MRPS33: variants seen among roughly 807,000 people sequenced by gnomAD.
MRPS33 encodes the protein mitochondrial ribosomal protein S33.
Under a neutral mutation model 11.2 loss-of-function variants are expected in MRPS33, and 11 were observed. The ratio of observed to expected loss-of-function variants is 0.99; its 90% CI spans 0.62 to 1.63. The LOEUF is 1.63. Among genes scored for constraint, MRPS33 ranks in the 40% most tolerant of loss-of-function variants. The pLI, the probability that MRPS33 is intolerant of heterozygous loss-of-function variation, is 0.00. For synonymous variants in MRPS33, 46 were observed against 44.0 expected (o/e 1.05, Z -0.18); for missense variants, 109 against 127.8 (o/e 0.85, Z 0.71).
At chr7:141,006,604 G>T in intron 2 of MRPS33, 69 bp from the exon 3 acceptor site, 1 of 1,246,518 alleles carries the variant, frequency 8.0e-7, no homozygotes, top group Admixed American at 1.7e-5. Context: ...AATCTAGCAC[G>T]CACTGCTCTC....
intron 2 of MRPS33, among the ~76,000 whole-genome samples, chr7:141,007,681 G>A (rs1486504401): frequency 6.6e-6 from 1 of 151,974 alleles, no homozygotes; most frequent in Admixed American, 6.6e-5. Flanking sequence ...CTGTGCTCTT[G>A]CCCCTCTGCC....
intron 2 of MRPS33, among the ~76,000 whole-genome samples, chr7:141,008,801 ATT>A (rs10550694): frequency 0.096 from 13,240 of 137,826 alleles, 586 homozygotes; most frequent in South Asian, 0.21. Context: ...TAAAAAAATA[ATT>A]TTTTTTTTTT....
At position 141,006,145 on chromosome 7, in the gene MRPS33, C is replaced by T. The variant is rs1820519448; in HGVS notation, c.*285G>A. The T allele has an allele frequency of 7.6e-6, 3 of 394,752 alleles. No homozygotes were observed. Among genetic ancestry groups the T allele is most frequent in the East Asian group, 5.3e-5 (1 of 18,974 alleles). 24.5% of individuals were successfully genotyped at this position (394,752 alleles called of 1,614,324 possible). On this transcript the variant is annotated 3_prime_UTR_variant, in exon 3 of 3. Transcript: ENST00000324787. Reference sequence around the variant, plus strand: ...CCTCCATTCCCCCAGCATCCCATCCCACCCCAAACAAATCATCAAACAATA... The same window carrying T: ...CCTCCATTCCCCCAGCATCCCATCCTACCCCAAACAAATCATCAAACAATA...
Position 141,012,863 on chromosome 7 carries a change from A to G in MRPS33, c.-28+2048T>C, listed in dbSNP as rs142036014. Among the ~76,000 whole-genome samples the G allele has an allele frequency of 2.0e-3, 300 of 152,344 alleles. 3 individuals are homozygous for G. Among genetic ancestry groups the G allele is most frequent in the African/African-American group, 6.5e-3 (271 of 41,590 alleles). On this transcript the variant is annotated intron_variant, in intron 1 of 2. Coordinates refer to ENST00000324787, the MANE Select transcript of MRPS33 (RefSeq NM_053035.3). ...GGCTCTGTCACTTAATCCTTGGGTT[A>G]TTGTGAACAGTTACTCATCTTCTCT... is the stretch of plus-strand genomic sequence containing the variant.
chr7:141,013,011 A>G (rs754292857), intron 1 of MRPS33, among the ~76,000 whole-genome samples: 1 of 152,172 alleles, frequency 6.6e-6, no homozygotes, highest in Admixed American at 6.5e-5. Context: ...TGGTTTTCAT[A>G]TATTCTACAT....
intron 1 of MRPS33, among the ~76,000 whole-genome samples, chr7:141,014,178 A>G (rs908089334): frequency 1.3e-5 from 2 of 152,202 alleles, no homozygotes; most frequent in African/African-American, 2.4e-5. Flanking sequence ...CTACACGAGG[A>G]CAGTCATACT....
chr7:141,006,116 T>C lies in MRPS33; in HGVS notation c.*314A>G. On this transcript the variant is annotated 3_prime_UTR_variant, in exon 3 of 3. Coordinates refer to ENST00000324787, the MANE Select transcript of MRPS33 (RefSeq NM_053035.3). ...CTATAGGATGCTCACTTAATGAGGT[T>C]TCCCCTCCATTCCCCCAGCATCCCA... The C allele has an allele frequency of 2.9e-6, 1 of 340,762 alleles. No homozygotes were observed. Among genetic ancestry groups the C allele is most frequent in the African/African-American group, 2.1e-5 (1 of 47,196 alleles). The allele number at this position is 340,762 out of a possible 1,614,324, so 21.1% of individuals were successfully genotyped here. A position where few individuals can be genotyped will look rare whatever the true frequency, so the allele number is the denominator to read the frequency against.
chr7:141,012,389 T>C (rs1820697658), intron 1 of MRPS33, among the ~76,000 whole-genome samples: 6 of 152,152 alleles, frequency 3.9e-5, no homozygotes. Context: ...CTCAGTTTCC[T>C]GATTCACTTC....
chr7:141,009,581 A>G (rs1182106109), intron 2 of MRPS33: 1 of 152,164 alleles, frequency 6.6e-6, no homozygotes, highest in African/African-American at 2.4e-5. Context: ...CCAAATTAAT[A>G]TGTCAAAAAG....
intron 2 of MRPS33, among the ~76,000 whole-genome samples, chr7:141,008,530 G>A (rs1020173152): frequency 6.6e-6 from 1 of 152,200 alleles, no homozygotes; most frequent in Non-Finnish European, 1.5e-5. Context: ...GCCATCTTAA[G>A]TGCCTGCACG....
chr7:141,014,420 A>G, intron 1 of MRPS33: 1 of 152,256 alleles, frequency 6.6e-6, no homozygotes. Context: ...CAGTTCATCA[A>G]GAACAATCTT....
chr7:141,013,682 T>G (rs1348506853), intron 1 of MRPS33, among the ~76,000 whole-genome samples: 1 of 152,154 alleles, frequency 6.6e-6, no homozygotes, highest in Non-Finnish European at 1.5e-5. Context: ...AAAACTGTAC[T>G]CTCATGAAAA....
rs1289334246 is a variant in MRPS33, at chr7:141,004,127, C to T, written c.*2303G>A. The T allele has an allele frequency of 6.6e-6, 1 of 152,134 alleles. No individual in the cohort carries two copies. Among genetic ancestry groups the T allele is most frequent in the African/African-American group, 2.4e-5 (1 of 41,420 alleles). 9.4% of individuals were successfully genotyped at this position (152,134 alleles called of 1,614,324 possible). A position where few individuals can be genotyped will look rare whatever the true frequency, so the allele number is the denominator to read the frequency against. The stretch of plus-strand genomic sequence containing the variant: ...CATCCTGGCTAACACAGTGAGACAC[C>T]TTCTCTACTAAAAATACAAAATATT... On this transcript the variant is annotated 3_prime_UTR_variant, in exon 3 of 3. Transcript: ENST00000324787.
At chr7:141,010,342 A>G (rs1448309630) in intron 2 of MRPS33, 77 bp downstream of exon 2, 2 of 1,419,028 alleles carry the variant, frequency 1.4e-6, no homozygotes, top group Admixed American at 1.9e-5. Context: ...CTACAAGGAT[A>G]GAAAGGCTAA....
In MRPS33 at chr7:141,010,399, C is replaced by T. The variant is rs1041269556; in HGVS notation, c.215+20G>A. 1 of 1,612,478 alleles carries T rather than the reference C, an allele frequency of 6.2e-7. No individual in the cohort carries two copies. The highest frequency in any genetic ancestry group is 1.3e-5 in the African/African-American group (1 of 74,786). On this transcript the variant is annotated intron_variant, in intron 2 of 2. Coordinates refer to ENST00000324787, the MANE Select transcript of MRPS33 (RefSeq NM_053035.3). ...CTGAAAAAAAGTCTCTCATAGGTCC[C>T]TCTTTGTGTTTGTCATCACCTGTAG... is the stretch of plus-strand genomic sequence containing the variant.
At chr7:141,012,172 T>TTAAAAAAAAAA (rs1302725022) in intron 1 of MRPS33, among the ~76,000 whole-genome samples, 1 of 4,826 alleles carries the variant, frequency 2.1e-4, no homozygotes, top group Non-Finnish European at 3.7e-4. Flanking sequence ...AGATTGTGTG[T>TTAAAAAAAAAA]CAAAAAAAAA....
chr7:141,008,257 T>TCAAA (rs373279683), intron 2 of MRPS33, among the ~76,000 whole-genome samples: 1 of 152,222 alleles, frequency 6.6e-6, no homozygotes, highest in African/African-American at 2.4e-5. Flanking sequence ...TCTTTATTTT[T>TCAAA]CAAACAAACA....
rs1260943260 is a variant in MRPS33 at position 141,010,610 on chromosome 7, G to A, written c.24C>T (p.Ala8=). The change falls in exon 2 of 3, where the codon GCC becomes GCT. Residue 8 remains alanine, a synonymous_variant. Coordinates refer to ENST00000324787, the MANE Select transcript of MRPS33 (RefSeq NM_053035.3). The part of the protein sequence containing the change: MSSLSEY[A]FRMSRLSARL... The stretch of plus-strand genomic sequence containing the variant: ...GGGCACTGAGACGAGACATGCGGAA[G>A]GCATATTCTGAAAGGGAGGACATTT... The A allele has an allele frequency of 6.2e-7, 1 of 1,614,200 alleles. No homozygotes were observed. The highest frequency in any genetic ancestry group is 8.5e-7 in the Non-Finnish European group (1 of 1,180,040).
At position 141,002,982 on chromosome 7, in the gene MRPS33, T is replaced by C. The variant is rs1478517444; in HGVS notation, c.*3448A>G. ...CAGAGTTCTTTTCACAAATATCTTA[T>C]TTCATTAATCCAGTGAAGCATTATG... On this transcript the variant is annotated 3_prime_UTR_variant, in exon 3 of 3. Coordinates refer to ENST00000324787, the MANE Select transcript of MRPS33 (RefSeq NM_053035.3). 6.6e-6 allele frequency: 1 copy of C among 152,332 alleles called. No homozygotes were observed. Among genetic ancestry groups the C allele is most frequent in the Admixed American group, 6.5e-5 (1 of 15,286 alleles). The allele number at this position is 152,332 out of a possible 1,614,324, so 9.4% of individuals were successfully genotyped here.
Sources: gnomAD v4.1 joint callset for allele counts (sites outside exome capture counted in the v4.1 genomes callset) on GRCh38, gnomAD v4.1.1 for gene constraint, MANE v1.5 for transcripts, NCBI Gene and HGNC (gene_info 2026-07-23, HGNC 2026-07-21) for gene names.